Variants in DPP6 observed in about 807,000 individuals in gnomAD.
DPP6 encodes dipeptidyl peptidase like 6, also known as A-type potassium channel modulatory protein DPP6.
Under a neutral mutation model 122.6 loss-of-function variants are expected in DPP6, and 69 were observed. The observed-to-expected ratio is 0.56, with a 90% CI of 0.46 to 0.69. The LOEUF is 0.69. Ranked by LOEUF, DPP6 falls within the 30% of genes least tolerant of loss-of-function variation. The pLI, the probability that DPP6 is intolerant of heterozygous loss-of-function variation, is 0.00. For synonymous variants in DPP6, 418 were observed against 433.1 expected (o/e 0.97, Z 0.43); for missense variants, 928 against 1,116.9 (o/e 0.83, Z 2.41).
At chr7:154,112,965 C>A (rs1806701387) in intron 1 of DPP6, among the ~76,000 whole-genome samples, 2 of 152,168 alleles carry the variant, frequency 1.3e-5, no homozygotes, top group Admixed American at 6.5e-5. Flanking sequence ...GAAGTGGAAC[C>A]ATGTAGGGTT....
chr7:154,236,591 T>C (rs1336828588), intron 1 of DPP6, among the ~76,000 whole-genome samples: 4 of 152,218 alleles, frequency 2.6e-5, no homozygotes, highest in African/African-American at 7.2e-5. Context: ...CGTTTATTTC[T>C]CACTAAACCA....
At chr7:154,009,922 G>A (rs1798082027) in intron 1 of DPP6, among the ~76,000 whole-genome samples, 2 of 152,128 alleles carry the variant, frequency 1.3e-5, no homozygotes, top group Non-Finnish European at 1.5e-5. Flanking sequence ...TCCAACTTAT[G>A]TATCTTACAT....
chr7:153,978,808 G>A (rs1182438337), intron 1 of DPP6, among the ~76,000 whole-genome samples: 1 of 151,882 alleles, frequency 6.6e-6, no homozygotes, highest in African/African-American at 2.4e-5. Context: ...ATAGGTAATC[G>A]TTTCCCCATT....
intron 1 of DPP6, among the ~76,000 whole-genome samples, chr7:154,189,684 C>G (rs972728673): frequency 2.0e-5 from 3 of 152,132 alleles, no homozygotes; most frequent in African/African-American, 7.2e-5. Flanking sequence ...TTCTCCCTTC[C>G]CTCTCATGCC....
intron 1 of DPP6, among the ~76,000 whole-genome samples, chr7:154,080,503 A>T (rs549408491): frequency 6.6e-6 from 1 of 152,346 alleles, no homozygotes; most frequent in Non-Finnish European, 1.5e-5. Context: ...ATTACAGGCT[A>T]TGACACATAT....
At chr7:154,417,891 G>T (rs547960299) in intron 1 of DPP6, among the ~76,000 whole-genome samples, 1 of 152,214 alleles carries the variant, frequency 6.6e-6, no homozygotes, top group Admixed American at 6.5e-5. Flanking sequence ...TCACTGTTTT[G>T]CCAAAGGGCC....
chr7:154,786,065 C>A (rs1797315298), intron 10 of DPP6, among the ~76,000 whole-genome samples: 2 of 152,238 alleles, frequency 1.3e-5, no homozygotes, highest in African/African-American at 4.8e-5. Context: ...CACAGTGCTC[C>A]CTCATGTTGG....
the DPP6 span, among the ~76,000 whole-genome samples, chr7:153,755,618 C>T: frequency 2.0e-5 from 3 of 152,090 alleles, no homozygotes; most frequent in Admixed American, 2.0e-4. Context: ...ATCCATAGAC[C>T]TTCCCCCTTC....
chr7:154,490,216 C>G (rs1824156931), intron 3 of DPP6, among the ~76,000 whole-genome samples: 1 of 152,216 alleles, frequency 6.6e-6, no homozygotes, highest in African/African-American at 2.4e-5. Flanking sequence ...TACAACGGTA[C>G]CAATTAAGTC....
At chr7:154,307,168 C>T (rs1198606480) in intron 1 of DPP6, among the ~76,000 whole-genome samples, 1 of 152,144 alleles carries the variant, frequency 6.6e-6, no homozygotes, top group Non-Finnish European at 1.5e-5. Flanking sequence ...GTTTCCTGTA[C>T]AAATTTGCTC....
At chr7:154,775,029 G>A (rs1041809352) in intron 10 of DPP6, among the ~76,000 whole-genome samples, 14 of 152,194 alleles carry the variant, frequency 9.2e-5, no homozygotes, top group Non-Finnish European at 1.9e-4. Context: ...AGAGCACTAG[G>A]CAGCATCCCT....
At chr7:154,708,928 A>T (rs1844214) in intron 7 of DPP6, among the ~76,000 whole-genome samples, 26,841 of 151,972 alleles carry the variant, frequency 0.18, 2,744 homozygotes, top group East Asian at 0.29. Context: ...CATGTCTGTA[A>T]TCCCAGCTAC....
At chr7:154,600,542 A>G (rs1586713983) in intron 5 of DPP6, among the ~76,000 whole-genome samples, 1 of 121,204 alleles carries the variant, frequency 8.3e-6, no homozygotes, top group South Asian at 3.4e-4. Context: ...TCTGTCCAGT[A>G]TCTCCTTTAA....
chr7:154,063,071 G>A (rs1339856496), intron 1 of DPP6, among the ~76,000 whole-genome samples: 1 of 131,976 alleles, frequency 7.6e-6, no homozygotes, highest in Non-Finnish European at 1.7e-5. Context: ...TGGGGACTGA[G>A]AGCTATCCCC....
At chr7:154,489,867 A>G (rs537305940) in intron 3 of DPP6, among the ~76,000 whole-genome samples, 9 of 150,048 alleles carry the variant, frequency 6.0e-5, no homozygotes, top group Non-Finnish European at 1.3e-4. Flanking sequence ...AGCCAAATGC[A>G]GGAATTTCCC....
At chr7:154,506,903 C>G (rs935861245) in intron 3 of DPP6, among the ~76,000 whole-genome samples, 6 of 152,176 alleles carry the variant, frequency 3.9e-5, no homozygotes, top group African/African-American at 1.4e-4. Context: ...CACATTTTCC[C>G]TTTCTAGTAG....
chr7:153,863,064 T>C, the DPP6 span, among the ~76,000 whole-genome samples: 1 of 152,222 alleles, frequency 6.6e-6, no homozygotes, highest in Non-Finnish European at 1.5e-5. Flanking sequence ...TATTTCTACT[T>C]AAACCATATA....
At chr7:154,838,977 C>G (rs1334488980) in intron 16 of DPP6, 1 of 152,214 alleles carries the variant, frequency 6.6e-6, no homozygotes, top group Non-Finnish European at 1.5e-5. Flanking sequence ...CTTGAAGGGT[C>G]TTCCACTAAC....
chr7:154,109,639 G>A (rs1806425826), intron 1 of DPP6, among the ~76,000 whole-genome samples: 1 of 152,176 alleles, frequency 6.6e-6, no homozygotes, highest in South Asian at 2.1e-4. Flanking sequence ...TTTTTAAAAA[G>A]CTGCTCACAA....
Sources: gnomAD v4.1 joint callset for allele counts (sites outside exome capture counted in the v4.1 genomes callset) on GRCh38, gnomAD v4.1.1 for gene constraint, MANE v1.5 for transcripts, NCBI Gene and HGNC (gene_info 2026-07-23, HGNC 2026-07-21) for gene names.